Variants in FMN2 observed in about 807,000 individuals in gnomAD.
FMN2 encodes the protein formin-2.
FMN2 carries 51 observed loss-of-function variants against 142.3 expected under a neutral mutation model. The observed-to-expected ratio is 0.36, with a 90% CI of 0.29 to 0.45. The LOEUF is 0.45. Among genes scored for constraint, FMN2 ranks in the 20% least tolerant of loss-of-function variants. The pLI, the probability that FMN2 is intolerant of heterozygous loss-of-function variation, is 1.00. For missense variants in FMN2, 1,936 were observed against 2,122.8 expected (o/e 0.91, Z 1.73); for synonymous variants, 882 against 869.8 (o/e 1.01, Z -0.25).
At chr1:240,229,843 A>G (rs991108083) in intron 6 of FMN2, among the ~76,000 whole-genome samples, 3 of 129,406 alleles carry the variant, frequency 2.3e-5, no homozygotes, top group Admixed American at 2.2e-4. Context: ...ACAGGGTTTC[A>G]CCATGTTGGT....
At chr1:240,396,303 C>CGT (rs57641655) in intron 15 of FMN2, among the ~76,000 whole-genome samples, 9,899 of 142,558 alleles carry the variant, frequency 0.069, 355 homozygotes, top group South Asian at 0.12. Context: ...CCGAGGTTTT[C>CGT]GTGTGTGTGT....
At chr1:240,259,939 C>G (rs1668572879) in intron 7 of FMN2, among the ~76,000 whole-genome samples, 1 of 152,126 alleles carries the variant, frequency 6.6e-6, no homozygotes, top group African/African-American at 2.4e-5. Flanking sequence ...TCCATTGTAT[C>G]ACTTTTTATG....
chr1:240,317,812 A>G (rs140125855), intron 8 of FMN2, among the ~76,000 whole-genome samples: 1 of 152,308 alleles, frequency 6.6e-6, no homozygotes, highest in African/African-American at 2.4e-5. Context: ...TTACGTTTTA[A>G]GAAACTGACA....
chr1:240,467,336 A>T (rs906521887), intron 16 of FMN2, among the ~76,000 whole-genome samples: 2 of 149,018 alleles, frequency 1.3e-5, no homozygotes, highest in African/African-American at 5.0e-5. Flanking sequence ...GTGCAATGGC[A>T]TGATCTCGGC....
At chr1:240,241,258 T>G (rs11809069) in intron 6 of FMN2, among the ~76,000 whole-genome samples, 51,457 of 148,346 alleles carry the variant, frequency 0.35, 9,108 homozygotes, top group Middle Eastern at 0.46. Flanking sequence ...TTTTTTTTTT[T>G]GTCAAGGTCA....
chr1:240,454,566 G>T (rs1031203973), intron 16 of FMN2, among the ~76,000 whole-genome samples: 3 of 152,070 alleles, frequency 2.0e-5, no homozygotes, highest in Non-Finnish European at 4.4e-5. Flanking sequence ...AATATATATG[G>T]CTTCCAATCC....
At chr1:240,430,699 C>T (rs1572300785) in intron 15 of FMN2, among the ~76,000 whole-genome samples, 1 of 142,362 alleles carries the variant, frequency 7.0e-6, no homozygotes. Context: ...CCCCATTGTT[C>T]TAGCACCATT....
intron 15 of FMN2, among the ~76,000 whole-genome samples, chr1:240,396,634 T>A (rs987072883): frequency 1.3e-5 from 2 of 152,074 alleles, no homozygotes; most frequent in Non-Finnish European, 2.9e-5. Flanking sequence ...AGCCCCAGTG[T>A]CTGCTGTTCC....
At chr1:240,433,967 T>C (rs1036505180) in intron 15 of FMN2, among the ~76,000 whole-genome samples, 8 of 152,208 alleles carry the variant, frequency 5.3e-5, no homozygotes, top group African/African-American at 1.9e-4. Flanking sequence ...GTCCTGCTTC[T>C]GTAGCTATCA....
At chr1:240,344,601 T>C (rs1427411976) in intron 13 of FMN2, among the ~76,000 whole-genome samples, 3 of 152,172 alleles carry the variant, frequency 2.0e-5, no homozygotes, top group Non-Finnish European at 1.5e-5. Context: ...GATTTTGCCA[T>C]TGGACAGGAG....
At chr1:240,368,599 C>T (rs185211178) in intron 14 of FMN2, among the ~76,000 whole-genome samples, 15 of 152,148 alleles carry the variant, frequency 9.9e-5, no homozygotes, top group East Asian at 5.8e-4. Flanking sequence ...ATTTCTCTGG[C>T]GATATCACTG....
At position 240,438,730 on chromosome 1, in the gene FMN2, A is replaced by G. The variant is rs567739175; in HGVS notation, c.5060+520A>G. On this transcript the variant is annotated intron_variant, in intron 16 of 17. Transcript: ENST00000319653. ...GATACCTTCTAAAATAAATCTTTTCAGGAAGGGAAATGTCCCCTCTTCAGT... is the reference window on the plus strand; with the variant it reads ...GATACCTTCTAAAATAAATCTTTTCGGGAAGGGAAATGTCCCCTCTTCAGT... 3.9e-5 allele frequency among the ~76,000 whole-genome samples: 6 copies of G among 152,318 alleles called. No homozygotes were observed. The South Asian group carries it at 1.0e-3, about 26-fold the overall frequency.
At chr1:240,274,978 T>C (rs1406516577) in intron 7 of FMN2, among the ~76,000 whole-genome samples, 3 of 152,030 alleles carry the variant, frequency 2.0e-5, no homozygotes, top group Admixed American at 1.3e-4. Context: ...ATTTGGAGAC[T>C]ACAGGTGTAG....
chr1:240,158,609 C>T (rs1003945204), intron 2 of FMN2, among the ~76,000 whole-genome samples: 5 of 152,076 alleles, frequency 3.3e-5, no homozygotes, highest in Admixed American at 6.6e-5. Context: ...CCCCCCACCA[C>T]GCCTGAATTT....
At chr1:240,247,592 G>C (rs918469475) in intron 6 of FMN2, among the ~76,000 whole-genome samples, 1 of 151,920 alleles carries the variant, frequency 6.6e-6, no homozygotes, top group Non-Finnish European at 1.5e-5. Context: ...TGAGCCAATT[G>C]GGTTTAAAAC....
At chr1:240,203,266 C>A (rs900497452) in intron 4 of FMN2, among the ~76,000 whole-genome samples, 5 of 152,066 alleles carry the variant, frequency 3.3e-5, no homozygotes, top group Non-Finnish European at 1.5e-5. Context: ...ATTCCTAGAC[C>A]TAGGAACAGA....
intron 3 of FMN2, chr1:240,180,083 C>T (rs1665087569): frequency 1.3e-5 from 10 of 788,240 alleles, no homozygotes; most frequent in Admixed American, 6.9e-5. Context: ...GTTTTTGCTT[C>T]ATGATTTGAT....
intron 15 of FMN2, among the ~76,000 whole-genome samples, chr1:240,396,303 C>CTTGTGTGTGTGT (rs71170739): frequency 1.4e-5 from 2 of 142,742 alleles, no homozygotes; most frequent in South Asian, 2.3e-4. Flanking sequence ...CCGAGGTTTT[C>CTTGTGTGTGTGT]GTGTGTGTGT....
intron 3 of FMN2, 121 bp from the exon 4 acceptor site, chr1:240,188,086 A>T: frequency 1.2e-6 from 1 of 840,480 alleles, no homozygotes. Flanking sequence ...TGGAAGAGAG[A>T]CTGGATATTT....
Sources: allele counts gnomAD v4.1 joint callset (sites outside exome capture counted in the v4.1 genomes callset), GRCh38; gene constraint gnomAD v4.1.1; transcripts MANE v1.5; gene names NCBI Gene and HGNC (gene_info 2026-07-23, HGNC 2026-07-21).